The following CPNE4 variants were observed in gnomAD, a reference collection of about 807,000 sequenced individuals.
The protein encoded by CPNE4 is copine 4.
Under a neutral mutation model 67.9 loss-of-function variants are expected in CPNE4, and 25 were observed. The ratio of observed to expected loss-of-function variants is 0.37; its 90% CI spans 0.27 to 0.51. The LOEUF is 0.51. Ranked by LOEUF, CPNE4 falls within the 20% of genes least tolerant of loss-of-function variation. CPNE4 has a pLI of 0.93. For missense variants in CPNE4, 464 were observed against 690.8 expected, an observed-to-expected ratio of 0.67 and a Z score of 3.68; for synonymous variants, 242 against 244.9, an observed-to-expected ratio of 0.99 and a Z score of 0.11.
intron 2 of CPNE4, among the ~76,000 whole-genome samples, chr3:131,852,808 T>C (rs1333255834): frequency 6.6e-6 from 1 of 151,652 alleles, no homozygotes; most frequent in Admixed American, 6.6e-5. Flanking sequence ...ACCATTTCAA[T>C]ATACAAAAAT....
At position 131,772,698 on chromosome 3, in the gene CPNE4, A is replaced by G. The variant is rs1042532930; in HGVS notation, c.181-49073T>C. On this transcript the variant is annotated intron_variant, in intron 2 of 15. Transcript: ENST00000429747. ...GTGGGGTGAGATGTTTATCTACCCCAGATCTCACAGCATGTCATTTAATAT... is the reference window on the plus strand; with the variant it reads ...GTGGGGTGAGATGTTTATCTACCCCGGATCTCACAGCATGTCATTTAATAT... 2.0e-5 allele frequency among the ~76,000 whole-genome samples: 3 copies of G among 152,268 alleles called. No individual in the cohort carries two copies. In the South Asian group the frequency reaches 6.2e-4, roughly 32 times the overall value.
chr3:131,677,325 A>G (rs1207950409), intron 6 of CPNE4, among the ~76,000 whole-genome samples: 1 of 151,782 alleles, frequency 6.6e-6, no homozygotes, highest in Non-Finnish European at 1.5e-5. Context: ...TAGACGCTGG[A>G]TATTAGACCT....
At chr3:131,924,692 T>C (rs934015278) in intron 1 of CPNE4, among the ~76,000 whole-genome samples, 2 of 152,176 alleles carry the variant, frequency 1.3e-5, no homozygotes, top group Non-Finnish European at 2.9e-5. Context: ...CCAGTAATAG[T>C]ATTTTCAGTC....
intron 7 of CPNE4, among the ~76,000 whole-genome samples, chr3:131,600,468 T>C (rs989561158): frequency 2.0e-5 from 3 of 152,210 alleles, no homozygotes; most frequent in Non-Finnish European, 2.9e-5. Context: ...TCTGCTTTGC[T>C]TGATGGAGCA....
intron 1 of CPNE4, among the ~76,000 whole-genome samples, chr3:132,028,731 T>G (rs1195785232): frequency 1.3e-5 from 2 of 152,134 alleles, no homozygotes; most frequent in Non-Finnish European, 2.9e-5. Context: ...GGGTAGCCAC[T>G]ACCCACATAG....
intron 1 of CPNE4, among the ~76,000 whole-genome samples, chr3:132,010,430 C>A (rs916379381): frequency 1.9e-4 from 1 of 5,332 alleles, no homozygotes; most frequent in Non-Finnish European, 5.6e-4. Flanking sequence ...TGACAGAAAT[C>A]TCAAGAATGC....
At chr3:131,605,760 A>G (rs1310961384) in intron 7 of CPNE4, among the ~76,000 whole-genome samples, 4 of 152,118 alleles carry the variant, frequency 2.6e-5, no homozygotes, top group Admixed American at 2.6e-4. Flanking sequence ...ATCTATGTAG[A>G]TGTTGGAGTT....
chr3:131,613,224 G>T (rs1939949374), intron 7 of CPNE4, among the ~76,000 whole-genome samples: 1 of 152,174 alleles, frequency 6.6e-6, no homozygotes, highest in Non-Finnish European at 1.5e-5. Context: ...TCTTACCAGA[G>T]GTTCTTCCTC....
intron 2 of CPNE4, among the ~76,000 whole-genome samples, chr3:131,793,397 G>T (rs1418524123): frequency 6.6e-6 from 1 of 152,070 alleles, no homozygotes; most frequent in Admixed American, 6.6e-5. Flanking sequence ...ACCCTATAAA[G>T]CTCTATATCA....
rs893337707 is a variant in CPNE4 at position 131,575,265 on chromosome 3, G to C, written c.868-135C>G. 5.7e-6 allele frequency: 4 copies of C among 707,676 alleles called. No homozygotes were observed. In the Admixed American group the frequency reaches 9.2e-5, roughly 16 times the overall value. 43.8% of individuals were successfully genotyped at this position (707,676 alleles called of 1,614,324 possible). ...CAGACAGACATCATTGAAAAAAGAT[G>C]GGTCAGTTAAGTTTGTTCTGTTAAA... On this transcript the variant is annotated intron_variant, in intron 9 of 15. Coordinates refer to ENST00000429747, the MANE Select transcript of CPNE4 (RefSeq NM_130808.3).
chr3:131,548,452 A>G (rs1935993611), intron 14 of CPNE4, among the ~76,000 whole-genome samples: 1 of 151,872 alleles, frequency 6.6e-6, no homozygotes, highest in Admixed American at 6.6e-5. Context: ...ATGGGTACTA[A>G]GAAGAAAAGT....
chr3:131,543,041 C>T, intron 14 of CPNE4: 2 of 454,204 alleles, frequency 4.4e-6, no homozygotes, highest in Non-Finnish European at 7.9e-6. Flanking sequence ...AAAGAAAGAG[C>T]AGCAGGCCAA....
At chr3:132,000,886 A>C (rs1402093851) in intron 1 of CPNE4, among the ~76,000 whole-genome samples, 1 of 151,674 alleles carries the variant, frequency 6.6e-6, no homozygotes, top group Admixed American at 6.6e-5. Context: ...ATAATACATT[A>C]TATCTCCCTT....
chr3:131,756,499 G>A (rs1331773642), intron 2 of CPNE4, among the ~76,000 whole-genome samples: 3 of 152,122 alleles, frequency 2.0e-5, no homozygotes, highest in Non-Finnish European at 4.4e-5. Flanking sequence ...ACCTAGAAAG[G>A]TACATTGCAT....
intron 2 of CPNE4, among the ~76,000 whole-genome samples, chr3:131,753,186 T>G (rs1401119696): frequency 6.6e-6 from 1 of 151,910 alleles, no homozygotes; most frequent in Non-Finnish European, 1.5e-5. Flanking sequence ...AAATAAATTA[T>G]GTAATAAGTC....
intron 8 of CPNE4, among the ~76,000 whole-genome samples, chr3:131,583,085 T>C (rs1362191652): frequency 6.6e-6 from 1 of 151,954 alleles, no homozygotes; most frequent in African/African-American, 2.4e-5. Flanking sequence ...CAGTGAAGAG[T>C]CCTCTATGAC....
At chr3:131,853,452 G>C (rs2086314416) in intron 2 of CPNE4, among the ~76,000 whole-genome samples, 1 of 151,688 alleles carries the variant, frequency 6.6e-6, no homozygotes, top group African/African-American at 2.4e-5. Flanking sequence ...AGAAAAGCTA[G>C]AACTATAAAA....
At chr3:131,675,699 G>T (rs61217545) in intron 6 of CPNE4, among the ~76,000 whole-genome samples, 1,861 of 151,844 alleles carry the variant, frequency 0.012, 36 homozygotes, top group African/African-American at 0.041. Context: ...TCTCTTTATA[G>T]GTAAAGTGTA....
intron 2 of CPNE4, among the ~76,000 whole-genome samples, chr3:131,763,293 T>G (rs1276424524): frequency 1.3e-5 from 2 of 152,170 alleles, no homozygotes; most frequent in East Asian, 3.9e-4. Flanking sequence ...AGTCTTCGTT[T>G]GATGCAGCTG....
Sources: gnomAD v4.1 joint callset for allele counts (sites outside exome capture counted in the v4.1 genomes callset) on GRCh38, gnomAD v4.1.1 for gene constraint, MANE v1.5 for transcripts, NCBI Gene and HGNC (gene_info 2026-07-23, HGNC 2026-07-21) for gene names.